Variants in NISCH observed in about 807,000 individuals in gnomAD.
NISCH encodes the protein nischarin, also known as I-1 receptor candidate protein.
Under a neutral mutation model 138.4 loss-of-function variants are expected in NISCH, and 55 were observed. That is an observed-to-expected ratio of 0.40 (90% CI 0.32 to 0.50). NISCH has a LOEUF of 0.50. NISCH is among the 20% of genes least tolerant of loss of function. NISCH has a pLI of 0.71. For missense variants in NISCH, 1,643 were observed against 2,005.5 expected, an observed-to-expected ratio of 0.82 and a Z score of 3.45; for synonymous variants, 860 against 861.5, an observed-to-expected ratio of 1.00 and a Z score of 0.03.
chr3:52,484,462 T>TGGGGGCCCCCCCC, intron 13 of NISCH, 51 bp from the exon 14 acceptor site: 1 of 788,670 alleles, frequency 1.3e-6, no homozygotes, highest in Non-Finnish European at 1.8e-6. Context: ...ACAGCCGCTC[T>TGGGGGCCCCCCCC]CCCCGCCCCA....
intron 3 of NISCH, among the ~76,000 whole-genome samples, chr3:52,459,103 G>A (rs1559621544): frequency 6.6e-6 from 1 of 152,246 alleles, no homozygotes; most frequent in Non-Finnish European, 1.5e-5. Flanking sequence ...AAAATGGCCT[G>A]TGGGTGTTTA....
In NISCH at chr3:52,492,328, T is replaced by A; in HGVS notation, c.4361T>A (p.Val1454Glu). Reference sequence around the variant, plus strand: ...GTCACCCTGGACCACTTTGGGGAGGTGCCAGGTGGCCCGGCTAGAGCCAGC... The same window carrying A: ...GTCACCCTGGACCACTTTGGGGAGGAGCCAGGTGGCCCGGCTAGAGCCAGC... The part of the protein sequence containing the change: ...GSVTLDHFGE[V>E]PGGPARASQG... The change falls in exon 21 of 21, where the codon GTG becomes GAG. Residue 1454 changes from valine (V) to glutamate (E), a missense_variant. By Grantham distance (121) the Val-to-Glu change is moderately radical (BLOSUM62 -2). Transcript: ENST00000345716. 1 of 1,613,294 alleles carries A rather than the reference T, an allele frequency of 6.2e-7. No individual in the cohort carries two copies. Among genetic ancestry groups the A allele is most frequent in the Non-Finnish European group, 8.5e-7 (1 of 1,180,002 alleles).
At position 52,487,477 on chromosome 3, in the gene NISCH, TGGA is replaced by T. The variant is rs757970630; in HGVS notation, c.1997_1999del (p.Glu666del). The T allele has an allele frequency of 6.4e-5, 102 of 1,591,846 alleles. No individual in the cohort carries two copies. Among genetic ancestry groups the T allele is most frequent in the Middle Eastern group, 3.3e-4 (2 of 5,998 alleles). ...TACTTTGAAATGGGGCCCCCAGACG[TGGA>T]GGAGGAGGAGGGAGGAGGCCAGGGG... On this transcript the variant is annotated inframe_deletion, in exon 16 of 21. Transcript: ENST00000345716. The surrounding 1 kb of genome is among the most constrained non-coding windows in gnomAD (Gnocchi z 9.1).
intron 11 of NISCH, 133 bp from the exon 12 acceptor site, chr3:52,479,616 C>T (rs138930346): frequency 4.0e-5 from 28 of 691,522 alleles, no homozygotes; most frequent in East Asian, 1.1e-4. Context: ...CAGGTGCTCA[C>T]GCCTCCTCCT....
intron 7 of NISCH, chr3:52,475,816 C>T (rs541874257): frequency 6.6e-6 from 1 of 152,620 alleles, no homozygotes; most frequent in Admixed American, 6.5e-5. Flanking sequence ...TGTACTCCAG[C>T]CTGGGTGACA....
At position 52,484,587 on chromosome 3, in the gene NISCH, C is replaced by A; in HGVS notation, c.1603C>A (p.Pro535Thr). ...TGACAGTCTGACTCCCGAGCACCAG[C>A]CCATTGCCCAGGGATGTTCTGATTC... Reference protein sequence around the residue: ...STDSLTPEHQPIAQGCSDSLE... With the variant: ...STDSLTPEHQTIAQGCSDSLE... Residue 535 changes from proline to threonine, a missense_variant, in exon 14 of 21, where the codon CCC becomes ACC. By Grantham distance (38) the Pro-to-Thr change is conservative (BLOSUM62 -1). Transcript: ENST00000345716. The A allele has an allele frequency of 6.2e-7, 1 of 1,613,926 alleles. No homozygotes were observed. The highest frequency in any genetic ancestry group is 1.1e-5 in the South Asian group (1 of 91,064).
intron 7 of NISCH, among the ~76,000 whole-genome samples, chr3:52,474,622 G>A (rs1707049496): frequency 1.3e-5 from 2 of 152,080 alleles, no homozygotes; most frequent in Non-Finnish European, 2.9e-5. Flanking sequence ...AGTAGAGACA[G>A]GGTTTTACCA....
chr3:52,469,324 A>T (rs1706875240), intron 3 of NISCH, among the ~76,000 whole-genome samples: 2 of 152,212 alleles, frequency 1.3e-5, no homozygotes, highest in Non-Finnish European at 2.9e-5. Context: ...CACAGTTATT[A>T]CACTGAACTG....
At chr3:52,465,389 C>A (rs1706753381) in intron 3 of NISCH, among the ~76,000 whole-genome samples, 1 of 152,188 alleles carries the variant, frequency 6.6e-6, no homozygotes. Context: ...CTCGGCCTCC[C>A]AAAGCGCTCG....
chr3:52,471,958 G>A lies in NISCH; in HGVS notation c.554G>A (p.Cys185Tyr), dbSNP rs1289561072. ...TDLGHILDFT[C>Y]RLKYLKVSGT... ...CTCGGGCACATCCTGGACTTCACCTGTCGCCTTAAGTACCTTAAGGTAAAG... is the reference window on the plus strand; with the variant it reads ...CTCGGGCACATCCTGGACTTCACCTATCGCCTTAAGTACCTTAAGGTAAAG... The change falls in exon 5 of 21, where the codon TGT (cysteine) becomes TAT (tyrosine). Residue 185 changes from cysteine (C) to tyrosine (Y), a missense_variant. Coordinates refer to ENST00000345716, the MANE Select transcript of NISCH (RefSeq NM_007184.4). The A allele has an allele frequency of 1.2e-6, 2 of 1,600,056 alleles. No individual in the cohort carries two copies. Among genetic ancestry groups the A allele is most frequent in the Non-Finnish European group, 1.7e-6 (2 of 1,171,074 alleles).
chr3:52,472,073 G>T (rs1706966176), intron 5 of NISCH, 96 bp downstream of exon 5: 1 of 1,348,964 alleles, frequency 7.4e-7, no homozygotes, highest in South Asian at 1.4e-5. Flanking sequence ...GGAGACCATG[G>T]GGGACTGTTG....
chr3:52,490,745 T>A lies in NISCH; in HGVS notation c.3654T>A (p.Pro1218=), dbSNP rs537640346. 202 of 1,614,174 alleles carry A rather than the reference T, an allele frequency of 1.3e-4. 2 individuals are homozygous for A. The South Asian group carries it at 2.0e-3, about 16-fold the overall frequency. Residue 1218 remains proline (P), a synonymous_variant, in exon 19 of 21, where the codon CCT becomes CCA. Coordinates refer to ENST00000345716, the MANE Select transcript of NISCH (RefSeq NM_007184.4). The part of the protein sequence containing the change: ...HQKNTDYNNS[P]FHISQCFVLK... ...AAAACACCGACTACAACAACAGCCC[T>A]TTCCACATCTCCCAGTGCTTCGTGC...
At position 52,490,592 on chromosome 3, in the gene NISCH, C is replaced by T. The variant is rs888885831; in HGVS notation, c.3614-113C>T. ...AGGGCATTGCCTATGGGGCTTTGCA[C>T]GGGTGGAAGCCAGGCCAGCCAAGAG... On this transcript the variant is annotated intron_variant, in intron 18 of 20. Transcript: ENST00000345716. The T allele has an allele frequency of 1.0e-5, 15 of 1,441,336 alleles. No homozygotes were observed. The Admixed American group carries it at 1.2e-4, about 12-fold the overall frequency. The allele number at this position is 1,441,336 out of a possible 1,614,324, so 89.3% of individuals were successfully genotyped here. A position where few individuals can be genotyped will look rare whatever the true frequency, so the allele number is the denominator to read the frequency against.
rs1706765017 is a variant in NISCH, at chr3:52,465,798, G to C, written c.361-5061G>C. On this transcript the variant is annotated intron_variant, in intron 3 of 20. Transcript: ENST00000345716. ...CAGTCATTTAACCTGCCTGTGAGCT[G>C]GAGGCTGGTGAGCTGGGGTCCTTGT... 2.6e-5 allele frequency among the ~76,000 whole-genome samples: 4 copies of C among 152,198 alleles called. 1 individual carries two copies. In the South Asian group the frequency reaches 8.3e-4, roughly 32 times the overall value.
At chr3:52,484,462 T>TTGGGCCC in intron 13 of NISCH, 51 bp from the exon 14 acceptor site, 134 of 788,662 alleles carry the variant, frequency 1.7e-4, no homozygotes, top group Non-Finnish European at 2.1e-4. Flanking sequence ...ACAGCCGCTC[T>TTGGGCCC]CCCCGCCCCA....
chr3:52,477,194 A>T (rs181494031), intron 8 of NISCH, among the ~76,000 whole-genome samples: 1 of 152,358 alleles, frequency 6.6e-6, no homozygotes, highest in African/African-American at 2.4e-5. Flanking sequence ...TAGATGACAG[A>T]TGTGCCCATG....
chr3:52,484,467 G>GC, intron 13 of NISCH, 46 bp from the exon 14 acceptor site: 1 of 179,766 alleles, frequency 5.6e-6, no homozygotes, highest in South Asian at 6.1e-5. Flanking sequence ...CGCTCTCCCC[G>GC]CCCCACCCAC....
rs541267612 is a variant in NISCH, at chr3:52,491,362, G to A, written c.3753G>A (p.Pro1251=). 31 of 1,611,820 alleles carry A rather than the reference G, an allele frequency of 1.9e-5. No individual in the cohort carries two copies. The East Asian group carries it at 4.0e-4, about 21-fold the overall frequency. ...CCCCTTCTCGTGCAGGTTCCACCCC[G>A]ATGCAGGTGGTCACGTGCTTGACGC... ...DQHFRLTGST[P]MQVVTCLTRD... is the part of the protein sequence containing the mutation. Residue 1251 remains proline, a synonymous_variant, in exon 20 of 21, where the codon CCG becomes CCA. Coordinates refer to ENST00000345716, the MANE Select transcript of NISCH (RefSeq NM_007184.4).
Position 52,458,736 on chromosome 3 carries a change from G to A in NISCH, c.252G>A (p.Leu84=), listed in dbSNP as rs1706547607. The A allele has an allele frequency of 2.5e-6, 4 of 1,614,040 alleles. No individual in the cohort carries two copies. Among genetic ancestry groups the A allele is most frequent in the Non-Finnish European group, 3.4e-6 (4 of 1,179,974 alleles). ...KKIIGKNSRS[L]VEKREKDLEV... ...TAATTGGGAAAAACTCAAGAAGCTT[G>A]GTGGAGAAGAGGGAGAAGGATCTGG... The change falls in exon 3 of 21, where the codon TTG becomes TTA. Residue 84 remains leucine (L), a synonymous_variant. Transcript: ENST00000345716.
Sources: gnomAD v4.1 joint callset for allele counts (sites outside exome capture counted in the v4.1 genomes callset) on GRCh38, gnomAD v4.1.1 for gene constraint, Gnocchi (gnomAD v3.1) non-coding constraint, MANE v1.5 for transcripts, NCBI Gene and HGNC (gene_info 2026-07-23, HGNC 2026-07-21) for gene names.